DACH2: variants seen among roughly 807,000 people sequenced by gnomAD.
DACH2 encodes dachshund family transcription factor 2.
DACH2 carries 17 observed loss-of-function variants against 35.8 expected under a neutral mutation model. The ratio of observed to expected loss-of-function variants is 0.48; its 90% confidence interval spans 0.33 to 0.71. DACH2 has a LOEUF of 0.71. DACH2 is among the 30% of genes least tolerant of loss of function. The probability of loss-of-function intolerance (pLI) is 0.02; values close to 1 mark genes in which losing one functional copy is unlikely to be tolerated. For synonymous variants in DACH2, 195 were observed against 177.3 expected (o/e 1.10, Z -0.79); for missense variants, 469 against 472.7 (o/e 0.99, Z 0.07).
chrX:86,513,165 G>T (rs1339224853), intron 2 of DACH2, among the ~76,000 whole-genome samples: 1 of 111,534 alleles, frequency 9.0e-6, no homozygotes, highest in East Asian at 2.8e-4. Flanking sequence ...ATAGAGTGAG[G>T]TTTAACTTAA....
rs774659333 is a variant in DACH2 at position 86,435,365 on chromosome X, G to T, written c.527+58503G>T. Among the ~76,000 whole-genome samples the T allele has an allele frequency of 2.8e-4, 31 of 111,802 alleles. 1 individual carries two copies. Among genetic ancestry groups the T allele is most frequent in the East Asian group, 1.7e-3 (6 of 3,555 alleles). On this transcript the variant is annotated intron_variant, in intron 2 of 11. Coordinates refer to ENST00000373125, the MANE Select transcript of DACH2 (RefSeq NM_053281.3). ...TTAAATATAAAATTCTTTCAGTAATGATCAGCCGCTTATATTGAAAACCTG... is the reference window on the plus strand; with the variant it reads ...TTAAATATAAAATTCTTTCAGTAATTATCAGCCGCTTATATTGAAAACCTG...
At chrX:86,463,294 GA>G (rs35622660) in intron 2 of DACH2, among the ~76,000 whole-genome samples, 23,337 of 109,372 alleles carry the variant, frequency 0.21, 2,281 homozygotes, top group Middle Eastern at 0.38. Flanking sequence ...AATCTAGTAG[GA>G]GAAATAATTC....
At chrX:86,729,779 C>A (rs145747598) in intron 6 of DACH2, among the ~76,000 whole-genome samples, 3,670 of 110,807 alleles carry the variant, frequency 0.033, 156 homozygotes, top group African/African-American at 0.11. Flanking sequence ...ACCTCCACAC[C>A]CTTTTTCCTG....
At chrX:86,480,429 G>A (rs1033903097) in intron 2 of DACH2, among the ~76,000 whole-genome samples, 1 of 111,671 alleles carries the variant, frequency 9.0e-6, no homozygotes, top group Non-Finnish European at 1.9e-5. Flanking sequence ...CCTGAAGCCA[G>A]CACAACACTG....
At chrX:86,717,786 G>A (rs991788755) in intron 6 of DACH2, among the ~76,000 whole-genome samples, 3 of 101,312 alleles carry the variant, frequency 3.0e-5, no homozygotes, top group Non-Finnish European at 6.0e-5. Flanking sequence ...ATACTATTTG[G>A]AATATATATA....
intron 2 of DACH2, among the ~76,000 whole-genome samples, chrX:86,424,460 T>G (rs2036858642): frequency 1.8e-5 from 2 of 111,377 alleles, no homozygotes; most frequent in African/African-American, 6.5e-5. Context: ...ATGAGATTAC[T>G]TTTTTATTTT....
At chrX:86,265,635 CCTCT>C (rs1045881456) in intron 1 of DACH2, among the ~76,000 whole-genome samples, 7 of 111,596 alleles carry the variant, frequency 6.3e-5, no homozygotes, top group African/African-American at 3.3e-5. Flanking sequence ...ACTAATTGTG[CCTCT>C]CTATTTCTTC....
chrX:86,349,746 A>G (rs1209293262), intron 1 of DACH2, among the ~76,000 whole-genome samples: 7 of 112,519 alleles, frequency 6.2e-5, no homozygotes, highest in Non-Finnish European at 9.4e-5. Context: ...TTTGAATGGG[A>G]AGCTGCATTT....
At position 86,832,271 on chromosome X, in the gene DACH2, G is replaced by A. The variant is rs757988201; in HGVS notation, c.*116G>A. ...TATCAGCAAAGCTTTGTTTACTGAA[G>A]GAGCTATTTAATCTATGTTACATTA... On this transcript the variant is annotated 3_prime_UTR_variant, in exon 12 of 12. Coordinates refer to ENST00000373125, the MANE Select transcript of DACH2 (RefSeq NM_053281.3). 3.5e-6 allele frequency: 2 copies of A among 574,925 alleles called. No individual in the cohort carries two copies. Among genetic ancestry groups the A allele is most frequent in the East Asian group, 3.6e-5 (1 of 27,951 alleles). 47.4% of individuals were successfully genotyped at this position (574,925 alleles called of 1,213,427 possible). A position where few individuals can be genotyped will look rare whatever the true frequency, so the allele number is the denominator to read the frequency against.
intron 3 of DACH2, among the ~76,000 whole-genome samples, chrX:86,624,060 C>CAAAA (rs34140706): frequency 2.9e-3 from 104 of 35,908 alleles, no homozygotes; most frequent in African/African-American, 7.1e-3. Context: ...AAAAACAAAA[C>CAAAA]AAAAAAAAAA....
chrX:86,475,452 T>A (rs866040338), intron 2 of DACH2, among the ~76,000 whole-genome samples: 6 of 111,930 alleles, frequency 5.4e-5, no homozygotes, highest in Middle Eastern at 4.2e-3. Flanking sequence ...ATGGCTATTG[T>A]AAACAGGATT....
chrX:86,332,766 A>C (rs2035235679), intron 1 of DACH2, among the ~76,000 whole-genome samples: 1 of 111,761 alleles, frequency 8.9e-6, no homozygotes, highest in Non-Finnish European at 1.9e-5. Flanking sequence ...TTTGCTTTGG[A>C]GTAGAAGGCT....
intron 2 of DACH2, among the ~76,000 whole-genome samples, chrX:86,446,228 A>G (rs772359487): frequency 4.8e-5 from 5 of 104,045 alleles, no homozygotes; most frequent in African/African-American, 1.1e-4. Context: ...CTTTCAGGCT[A>G]TGTTTGTCCT....
intron 1 of DACH2, among the ~76,000 whole-genome samples, chrX:86,369,228 T>C (rs1449941248): frequency 9.0e-6 from 1 of 111,276 alleles, no homozygotes; most frequent in East Asian, 2.8e-4. Flanking sequence ...TATGTGCCTC[T>C]GGTCTCTTAA....
chrX:86,302,934 A>G (rs2034603223), intron 1 of DACH2, among the ~76,000 whole-genome samples: 1 of 108,742 alleles, frequency 9.2e-6, no homozygotes, highest in South Asian at 4.0e-4. Context: ...CTCAGCACTT[A>G]TTAAGAAGAT....
At chrX:86,377,249 T>G (rs1478013393) in intron 2 of DACH2, among the ~76,000 whole-genome samples, 1 of 111,253 alleles carries the variant, frequency 9.0e-6, no homozygotes, top group Non-Finnish European at 1.9e-5. Flanking sequence ...CATTCACTTT[T>G]GCAGGGCAGC....
At chrX:86,214,778 G>T (rs1242977468) in intron 1 of DACH2, among the ~76,000 whole-genome samples, 2 of 111,581 alleles carry the variant, frequency 1.8e-5, no homozygotes, top group African/African-American at 6.5e-5. Flanking sequence ...AAAACCTGGT[G>T]GTGGAACTGA....
rs758188508 is a variant in DACH2 at position 86,454,490 on chromosome X, C to T, written c.528-59789C>T. Among the ~76,000 whole-genome samples, 7 of 112,095 alleles carry T rather than the reference C, an allele frequency of 6.2e-5. No individual in the cohort carries two copies. In the East Asian group the frequency reaches 1.1e-3, roughly 18 times the overall value. Reference sequence around the variant, plus strand: ...TGTCATTTCTTGTCATTCTTTATTTCGTATTCTTGTCTGACTGTCTTATTT... The same window carrying T: ...TGTCATTTCTTGTCATTCTTTATTTTGTATTCTTGTCTGACTGTCTTATTT... On this transcript the variant is annotated intron_variant, in intron 2 of 11. Transcript: ENST00000373125.
intron 2 of DACH2, among the ~76,000 whole-genome samples, chrX:86,501,309 C>T (rs757003376): frequency 9.0e-6 from 1 of 111,208 alleles, no homozygotes; most frequent in Non-Finnish European, 1.9e-5. Flanking sequence ...CATGTAACTG[C>T]AAAAATTTAA....
Sources: allele counts gnomAD v4.1 joint callset (sites outside exome capture counted in the v4.1 genomes callset), GRCh38; gene constraint gnomAD v4.1.1; transcripts MANE v1.5; gene names NCBI Gene and HGNC (gene_info 2026-07-23, HGNC 2026-07-21).